Variants in STIM2 observed in about 807,000 individuals in gnomAD.
STIM2 encodes the protein stromal interaction molecule 2.
Under a neutral mutation model 85.8 loss-of-function variants are expected in STIM2, and 31 were observed. That is an observed-to-expected ratio of 0.36 (90% CI 0.27 to 0.49). The LOEUF is 0.49. Ranked by LOEUF, STIM2 falls within the 20% of genes least tolerant of loss-of-function variation. The probability of loss-of-function intolerance (pLI) is 0.98; values close to 1 mark genes in which losing one functional copy is unlikely to be tolerated. For missense variants in STIM2, 841 were observed against 927.6 expected (o/e 0.91, Z 1.21); for synonymous variants, 356 against 331.1 (o/e 1.08, Z -0.82).
At chr4:26,930,425 T>A (rs1395924643) in intron 2 of STIM2, among the ~76,000 whole-genome samples, 1 of 152,010 alleles carries the variant, frequency 6.6e-6, no homozygotes, top group African/African-American at 2.4e-5. Flanking sequence ...TTTTTCTTTG[T>A]TTTTATTTAT....
At chr4:26,928,417 A>G (rs948658696) in intron 2 of STIM2, among the ~76,000 whole-genome samples, 16 of 152,244 alleles carry the variant, frequency 1.1e-4, no homozygotes, top group Admixed American at 2.0e-4. Flanking sequence ...ACACAGAGAA[A>G]GTATCAAGGA....
At position 26,973,755 on chromosome 4, in the gene STIM2, C is replaced by T. The variant is rs186950262; in HGVS notation, c.397+16029C>T. On this transcript the variant is annotated intron_variant, in intron 3 of 11. Transcript: ENST00000467087. ...GAGTTCTGTAGATGTCTATTAGGTC[C>T]GCTTGGTGCAGAGCTGAGTTCAAGT... 1.3e-3 allele frequency among the ~76,000 whole-genome samples: 192 copies of T among 152,212 alleles called. 1 individual carries two copies. The highest frequency in any genetic ancestry group is 3.4e-3 in the African/African-American group (142 of 41,546).
chr4:26,889,721 C>A (rs919681616), intron 1 of STIM2, among the ~76,000 whole-genome samples: 17 of 152,132 alleles, frequency 1.1e-4, no homozygotes, highest in African/African-American at 3.9e-4. Flanking sequence ...GCTGAGCCAC[C>A]TTCCTCCTTC....
At chr4:26,914,653 A>G (rs556419496) in intron 1 of STIM2, among the ~76,000 whole-genome samples, 5 of 152,344 alleles carry the variant, frequency 3.3e-5, no homozygotes, top group African/African-American at 1.2e-4. Flanking sequence ...ACATATACTT[A>G]AACCATTCAA....
intron 1 of STIM2, among the ~76,000 whole-genome samples, chr4:26,901,590 T>C (rs1373919605): frequency 6.6e-6 from 1 of 152,160 alleles, no homozygotes; most frequent in African/African-American, 2.4e-5. Context: ...GCCTTATAGA[T>C]GTTGTTAGCG....
At chr4:26,962,589 TGTGTG>T (rs1726519011) in intron 3 of STIM2, among the ~76,000 whole-genome samples, 1 of 134,782 alleles carries the variant, frequency 7.4e-6, no homozygotes, top group Admixed American at 7.6e-5. Flanking sequence ...TGTGTGTGTG[TGTGTG>T]TGTGTGTATG....
intron 1 of STIM2, among the ~76,000 whole-genome samples, chr4:26,908,155 AG>A (rs1724198645): frequency 6.6e-6 from 1 of 152,208 alleles, no homozygotes; most frequent in Non-Finnish European, 1.5e-5. Flanking sequence ...AGTGCTTTGG[AG>A]GTTATACTTC....
chr4:27,015,960 G>A (rs1369357050), intron 10 of STIM2, among the ~76,000 whole-genome samples: 2 of 151,254 alleles, frequency 1.3e-5, no homozygotes, highest in Non-Finnish European at 3.0e-5. Flanking sequence ...TAGTTTATTA[G>A]TTATATATTG....
intron 2 of STIM2, among the ~76,000 whole-genome samples, chr4:26,923,396 GAGA>G (rs1460355431): frequency 2.6e-5 from 4 of 152,094 alleles, no homozygotes; most frequent in African/African-American, 4.8e-5. Context: ...GACGAGCTGA[GAGA>G]AGAAGAATTT....
chr4:26,950,425 T>G (rs1726004117), intron 2 of STIM2, among the ~76,000 whole-genome samples: 1 of 152,180 alleles, frequency 6.6e-6, no homozygotes, highest in Admixed American at 6.5e-5. Context: ...GGCTTGAATG[T>G]GTTCCCCAAA....
intron 7 of STIM2, 28 bp downstream of exon 7, chr4:27,003,132 G>C (rs1560236755): frequency 1.9e-6 from 3 of 1,543,990 alleles, no homozygotes; most frequent in Non-Finnish European, 2.6e-6. Context: ...AAAATCACTT[G>C]TAAAGATGTT....
chr4:26,905,686 G>A (rs1724096812), intron 1 of STIM2, among the ~76,000 whole-genome samples: 1 of 152,028 alleles, frequency 6.6e-6, no homozygotes, highest in Non-Finnish European at 1.5e-5. Context: ...ATATAAATCG[G>A]CTAAATCCAT....
chr4:26,929,109 A>T lies in STIM2; in HGVS notation c.282+9475A>T, dbSNP rs547312456. ...GCTTATATGAGAAGAATAATATTAAATATCTAATTTGAAAATATTGATTAC... is the reference window on the plus strand; with the variant it reads ...GCTTATATGAGAAGAATAATATTAATTATCTAATTTGAAAATATTGATTAC... On this transcript the variant is annotated intron_variant, in intron 2 of 11. Transcript: ENST00000467087. Among the ~76,000 whole-genome samples the T allele has an allele frequency of 5.9e-5, 9 of 152,296 alleles. No homozygotes were observed. The East Asian group carries it at 1.7e-3, about 29-fold the overall frequency.
intron 3 of STIM2, among the ~76,000 whole-genome samples, chr4:26,968,504 G>C (rs189530299): frequency 4.5e-4 from 68 of 152,284 alleles, no homozygotes; most frequent in African/African-American, 1.6e-3. Flanking sequence ...ATGTTTGGTT[G>C]CCAGGGTCTG....
At chr4:26,946,616 A>G (rs1725841233) in intron 2 of STIM2, among the ~76,000 whole-genome samples, 1 of 152,178 alleles carries the variant, frequency 6.6e-6, no homozygotes, top group Non-Finnish European at 1.5e-5. Context: ...GTATGCTTGC[A>G]CTTCTGTGCA....
rs146109310 is a variant in STIM2 at position 26,960,463 on chromosome 4, T to A, written c.397+2737T>A. Among the ~76,000 whole-genome samples the A allele has an allele frequency of 6.3e-4, 96 of 152,316 alleles. 2 individuals carry two copies. In the East Asian group the frequency reaches 0.018, roughly 28 times the overall value. ...TCATTCTTTGCTTATCATTGTTGTG[T>A]CTCCCATGCCTAGCACAGTGCATTC... is the stretch of plus-strand genomic sequence containing the variant. On this transcript the variant is annotated intron_variant, in intron 3 of 11. Coordinates refer to ENST00000467087, the MANE Select transcript of STIM2 (RefSeq NM_020860.4).
chr4:26,908,857 A>G (rs1724227678), intron 1 of STIM2, among the ~76,000 whole-genome samples: 1 of 152,122 alleles, frequency 6.6e-6, no homozygotes, highest in Admixed American at 6.5e-5. Flanking sequence ...TTTAGACTAT[A>G]TTTGGTTTTG....
chr4:26,904,226 G>C (rs1156359796), intron 1 of STIM2, among the ~76,000 whole-genome samples: 3 of 151,372 alleles, frequency 2.0e-5, no homozygotes. Context: ...CAGGCTGGCA[G>C]GTTTTTTGTT....
intron 2 of STIM2, among the ~76,000 whole-genome samples, chr4:26,922,358 C>G (rs1724836291): frequency 6.6e-6 from 1 of 152,100 alleles, no homozygotes; most frequent in Admixed American, 6.5e-5. Context: ...CTTTGTCAAA[C>G]AAATTCCATG....
Sources: gnomAD v4.1 joint callset for allele counts (sites outside exome capture counted in the v4.1 genomes callset) on GRCh38, gnomAD v4.1.1 for gene constraint, MANE v1.5 for transcripts, NCBI Gene and HGNC (gene_info 2026-07-23, HGNC 2026-07-21) for gene names.